Variants in SAMD5 observed in about 807,000 individuals in gnomAD.
SAMD5 encodes the protein sterile alpha motif domain containing 5, also known as sterile alpha motif domain-containing protein 5.
Under a neutral mutation model 11.3 loss-of-function variants are expected in SAMD5, and 13 were observed. That is an observed-to-expected ratio of 1.15 (90% confidence interval 0.75 to 1.83). The LOEUF (loss-of-function observed/expected upper bound fraction) is 1.83. Among genes scored for constraint, SAMD5 ranks in the 40% most tolerant of loss-of-function variants. The pLI is 0.00. For missense variants in SAMD5, 255 were observed against 239.1 expected, an observed-to-expected ratio of 1.07 and a Z score of -0.44; for synonymous variants, 129 against 111.3, an observed-to-expected ratio of 1.16 and a Z score of -1.00.
At chr6:147,786,916 A>G in the SAMD5 span, among the ~76,000 whole-genome samples, 12 of 152,222 alleles carry the variant, frequency 7.9e-5, no homozygotes, top group Non-Finnish European at 4.4e-5. Flanking sequence ...TTGACTTCTT[A>G]GAATTTTGAG....
At chr6:147,783,192 G>A in the SAMD5 span, among the ~76,000 whole-genome samples, 3 of 152,122 alleles carry the variant, frequency 2.0e-5, no homozygotes, top group South Asian at 4.2e-4. Flanking sequence ...CAGTTATTAA[G>A]TCTTATACTC....
intron 1 of SAMD5, among the ~76,000 whole-genome samples, chr6:147,724,074 T>C (rs1187641344): frequency 6.6e-6 from 1 of 152,204 alleles, no homozygotes; most frequent in Non-Finnish European, 1.5e-5. Context: ...ATTCAACATT[T>C]TTCTTTAACA....
chr6:147,919,870 G>A, the SAMD5 span, among the ~76,000 whole-genome samples: 1 of 152,180 alleles, frequency 6.6e-6, no homozygotes, highest in Non-Finnish European at 1.5e-5. Flanking sequence ...GACCTCATAA[G>A]GACTCACAGT....
At chr6:147,734,737 A>AAAAAAAAAAAAAAAAAAT in intron 1 of SAMD5, among the ~76,000 whole-genome samples, 1 of 146,770 alleles carries the variant, frequency 6.8e-6, no homozygotes, top group Non-Finnish European at 1.5e-5. Context: ...AAAAAAAAAA[A>AAAAAAAAAAAAAAAAAAT]AAAAAGATTT....
chr6:147,801,387 C>T, the SAMD5 span, among the ~76,000 whole-genome samples: 1 of 151,946 alleles, frequency 6.6e-6, no homozygotes, highest in South Asian at 2.1e-4. Flanking sequence ...AGTTCATGTT[C>T]AGTGGTAGAG....
chr6:147,866,056 A>G, the SAMD5 span, among the ~76,000 whole-genome samples: 4 of 152,214 alleles, frequency 2.6e-5, no homozygotes, highest in Non-Finnish European at 5.9e-5. Flanking sequence ...TTTCATTTAT[A>G]CAATTATTTT....
At chr6:147,932,385 G>A in the SAMD5 span, among the ~76,000 whole-genome samples, 10 of 152,056 alleles carry the variant, frequency 6.6e-5, no homozygotes, top group South Asian at 2.1e-4. Flanking sequence ...GAGTGTCAGC[G>A]GACTTAATGT....
intron 1 of SAMD5, among the ~76,000 whole-genome samples, chr6:147,576,086 G>A (rs1216088142): frequency 6.6e-6 from 1 of 151,860 alleles, no homozygotes; most frequent in African/African-American, 2.4e-5. Context: ...CTAAGTGGCA[G>A]CTCAAAATTT....
chr6:147,752,810 TAG>T, the SAMD5 span, among the ~76,000 whole-genome samples: 1 of 152,182 alleles, frequency 6.6e-6, no homozygotes, highest in African/African-American at 2.4e-5. Context: ...CTATGCTAAC[TAG>T]AGACTTCAGC....
chr6:147,531,469 A>G (rs1391728629), intron 1 of SAMD5, among the ~76,000 whole-genome samples: 1 of 152,182 alleles, frequency 6.6e-6, no homozygotes, highest in Non-Finnish European at 1.5e-5. Flanking sequence ...AGGCAGGCCC[A>G]TGCCTTACTC....
At chr6:147,823,653 A>C in the SAMD5 span, among the ~76,000 whole-genome samples, 1 of 152,304 alleles carries the variant, frequency 6.6e-6, no homozygotes, top group African/African-American at 2.4e-5. Flanking sequence ...AAAAGTACCA[A>C]AAAAAAGAGA....
the SAMD5 span, among the ~76,000 whole-genome samples, chr6:147,792,693 A>C: frequency 6.6e-6 from 1 of 152,174 alleles, no homozygotes; most frequent in African/African-American, 2.4e-5. Flanking sequence ...GGAAATATAC[A>C]AGATGAGCCT....
chr6:147,907,578 T>C, the SAMD5 span, among the ~76,000 whole-genome samples: 1 of 152,126 alleles, frequency 6.6e-6, no homozygotes, highest in South Asian at 2.1e-4. Context: ...TTGGAGCAAA[T>C]AATGTGGAGA....
the SAMD5 span, among the ~76,000 whole-genome samples, chr6:147,840,672 G>T: frequency 6.6e-6 from 1 of 152,198 alleles, no homozygotes; most frequent in Admixed American, 6.5e-5. Flanking sequence ...GTTAAGGAAT[G>T]TTTGCTGTTG....
chr6:147,601,785 C>T lies in SAMD5; in HGVS notation c.162+92398C>T, dbSNP rs147761407. 3.4e-3 allele frequency among the ~76,000 whole-genome samples: 519 copies of T among 152,234 alleles called. 2 individuals carry two copies. The highest frequency in any genetic ancestry group is 0.012 in the African/African-American group (496 of 41,544). On this transcript the variant is annotated intron_variant, in intron 1 of 1. Transcript: ENST00000566741. The stretch of plus-strand genomic sequence containing the variant: ...GGATGAATCATGGTATGTTGCCGGT[C>T]GACCCATAGATTTAAAACAGCTTAC...
At chr6:147,906,059 C>G in the SAMD5 span, among the ~76,000 whole-genome samples, 3 of 152,148 alleles carry the variant, frequency 2.0e-5, no homozygotes, top group Non-Finnish European at 4.4e-5. Flanking sequence ...ATTGTGTCCT[C>G]AAGTATTTCT....
the SAMD5 span, among the ~76,000 whole-genome samples, chr6:147,940,449 A>G: frequency 6.6e-6 from 1 of 152,136 alleles, no homozygotes; most frequent in Non-Finnish European, 1.5e-5. Flanking sequence ...GTATGCTTTT[A>G]CTTAGTCCAC....
Position 147,508,893 on chromosome 6 carries a change from G to C in SAMD5, c.-36G>C, listed in dbSNP as rs1450579862. 3.2e-6 allele frequency: 5 copies of C among 1,583,416 alleles called. No individual in the cohort carries two copies. In the Admixed American group the frequency reaches 8.9e-5, roughly 28 times the overall value. On this transcript the variant is annotated 5_prime_UTR_variant, in exon 1 of 2. Transcript: ENST00000367474. ...GTGCCGCCCGTGCCATTTGGGCGCT[G>C]GGAAGGTGCTCGGCGGCGGGGTTCC...
chr6:147,677,750 G>A (rs1214269580), intron 1 of SAMD5, among the ~76,000 whole-genome samples: 2 of 152,054 alleles, frequency 1.3e-5, no homozygotes, highest in Non-Finnish European at 2.9e-5. Flanking sequence ...GGATGGGGAG[G>A]TTAGAGGGTG....
Sources: allele counts gnomAD v4.1 joint callset (sites outside exome capture counted in the v4.1 genomes callset), GRCh38; gene constraint gnomAD v4.1.1; transcripts MANE v1.5; gene names NCBI Gene and HGNC (gene_info 2026-07-23, HGNC 2026-07-21).